TDRD1: variants seen among roughly 807,000 people sequenced by gnomAD.
The protein encoded by TDRD1 is tudor domain-containing protein 1.
A neutral mutation model predicts 140.6 loss-of-function variants in TDRD1; 37 were observed. That is an observed-to-expected ratio of 0.26 (90% CI 0.20 to 0.35). The LOEUF is 0.35. TDRD1 is among the 10% of genes least tolerant of loss of function. The pLI, the probability that TDRD1 is intolerant of heterozygous loss-of-function variation, is 1.00. For synonymous variants in TDRD1, 506 were observed against 475.7 expected (o/e 1.06, Z -0.83); for missense variants, 1,243 against 1,393.0 (o/e 0.89, Z 1.71).
intron 3 of TDRD1, among the ~76,000 whole-genome samples, chr10:114,192,344 C>A (rs1314645878): frequency 8.1e-6 from 1 of 123,898 alleles, no homozygotes; most frequent in African/African-American, 3.1e-5. Flanking sequence ...TGCTCTTTCA[C>A]CCAGGCTGGA....
At chr10:114,192,026 T>C (rs55683285) in intron 3 of TDRD1, among the ~76,000 whole-genome samples, 9,735 of 151,984 alleles carry the variant, frequency 0.064, 345 homozygotes, top group Non-Finnish European at 0.08. Context: ...TTTGGTGAAA[T>C]ATTTTCATGT....
chr10:114,199,437 G>A lies in TDRD1; in HGVS notation c.529+120G>A, dbSNP rs116095437. 2.1e-3 allele frequency: 2,676 copies of A among 1,258,920 alleles called. 39 individuals are homozygous for A. The African/African-American group carries it at 0.037, about 18-fold the overall frequency. 78.0% of individuals were successfully genotyped at this position (1,258,920 alleles called of 1,614,324 possible). A position where few individuals can be genotyped will look rare whatever the true frequency, so the allele number is the denominator to read the frequency against. Reference sequence around the variant, plus strand: ...AACAGTGTCCCCATGCCACACACCCGTCTCAGCCTCAGCAGCTGTCAGCAT... The same window carrying A: ...AACAGTGTCCCCATGCCACACACCCATCTCAGCCTCAGCAGCTGTCAGCAT... On this transcript the variant is annotated intron_variant, in intron 4 of 25. Transcript: ENST00000251864.
At chr10:114,174,879 C>T (rs953319346), upstream of TDRD1, among the ~76,000 whole-genome samples, 31 of 152,204 alleles carry the variant, frequency 2.0e-4, no homozygotes, top group African/African-American at 7.5e-4. Flanking sequence ...TTGCCTCGCC[C>T]GGCCCAGAGA....
In TDRD1 at chr10:114,206,209, C is replaced by T. The variant is rs368682622; in HGVS notation, c.1298-35C>T. 3.6e-4 allele frequency: 519 copies of T among 1,459,920 alleles called. 8 individuals carry two copies. The South Asian group carries it at 5.5e-3, about 15-fold the overall frequency. The allele number at this position is 1,459,920 out of a possible 1,614,324, so 90.4% of individuals were successfully genotyped here. A position where few individuals can be genotyped will look rare whatever the true frequency, so the allele number is the denominator to read the frequency against. ...TTTCCCATAATTCTTTGTATAGTTTCTCAATGGAGGCATATTTTCTTAATC... is the reference window on the plus strand; with the variant it reads ...TTTCCCATAATTCTTTGTATAGTTTTTCAATGGAGGCATATTTTCTTAATC... On this transcript the variant is annotated intron_variant, in intron 10 of 25. Transcript: ENST00000251864.
rs1444752097 is a variant in TDRD1, at chr10:114,226,324, T to G, written c.3175+108T>G. On this transcript the variant is annotated intron_variant, in intron 22 of 25. Transcript: ENST00000251864. Reference sequence around the variant, plus strand: ...CAAATGGGTATTTCCAGTAACTGCCTTAATGTTTTTAAATATTAAGAGTTT... The same window carrying G: ...CAAATGGGTATTTCCAGTAACTGCCGTAATGTTTTTAAATATTAAGAGTTT... 3 of 678,538 alleles carry G rather than the reference T, an allele frequency of 4.4e-6. No individual in the cohort carries two copies. The African/African-American group carries it at 5.5e-5, about 12-fold the overall frequency. The allele number at this position is 678,538 out of a possible 1,614,324, so 42.0% of individuals were successfully genotyped here.
chr10:114,176,141 T>G (rs1230274839), upstream of TDRD1, among the ~76,000 whole-genome samples: 1 of 152,160 alleles, frequency 6.6e-6, no homozygotes, highest in Admixed American at 6.5e-5. The surrounding 1 kb of genome is among the most constrained non-coding windows in gnomAD (Gnocchi z 4.2). Context: ...TGGATGGGGC[T>G]GGCACCACTT....
chr10:114,194,151 T>C (rs2034178321), intron 3 of TDRD1, among the ~76,000 whole-genome samples: 1 of 152,242 alleles, frequency 6.6e-6, no homozygotes, highest in East Asian at 1.9e-4. Context: ...TTTTGGTCTG[T>C]AATTTTCTTT....
chr10:114,180,517 G>C lies in TDRD1; in HGVS notation c.-7+1101G>C, dbSNP rs575278282. 2.6e-5 allele frequency among the ~76,000 whole-genome samples: 4 copies of C among 152,300 alleles called. No homozygotes were observed. In the East Asian group the frequency reaches 7.7e-4, roughly 29 times the overall value. On this transcript the variant is annotated intron_variant, in intron 1 of 25. Coordinates refer to ENST00000251864, the Ensembl canonical transcript of TDRD1. ...TTTCACTCTTGTTGCCCAGGCTGGAGTGCAATGGCGCGATCCCAGCTCACT... is the reference window on the plus strand; with the variant it reads ...TTTCACTCTTGTTGCCCAGGCTGGACTGCAATGGCGCGATCCCAGCTCACT...
At chr10:114,179,789 T>G (rs545856224) in intron 1 of TDRD1, 1 of 152,374 alleles carries the variant, frequency 6.6e-6, no homozygotes, top group East Asian at 1.9e-4. Context: ...GAAGATGTGC[T>G]AGGGCATTTA....
At position 114,203,208 on chromosome 10, in the gene TDRD1, A is replaced by T. The variant is rs145232496; in HGVS notation, c.801+32A>T. The T allele has an allele frequency of 1.1e-5, 17 of 1,547,702 alleles. No individual in the cohort carries two copies. In the East Asian group the frequency reaches 3.1e-4, roughly 29 times the overall value. ...GTTTTTCTTCAATCTCCATAGACAC[A>T]GATCCAGAGAACTGTATTTATTCTC... On this transcript the variant is annotated intron_variant, in intron 7 of 25. Coordinates refer to ENST00000251864, the Ensembl canonical transcript of TDRD1.
exon 20 of TDRD1, chr10:114,221,406 A>G: frequency 6.2e-7 from 1 of 1,613,042 alleles, no homozygotes; most frequent in Non-Finnish European, 8.5e-7. Flanking sequence ...CAGTGGATAA[A>G]ACTATACAAG....
At chr10:114,187,909 T>A (rs2033657919) in exon 2 of TDRD1, 4 of 1,613,096 alleles carry the variant, frequency 2.5e-6, no homozygotes, top group Non-Finnish European at 3.4e-6. Flanking sequence ...CAGAGCCATT[T>A]AATTTTGAGA....
intron 21 of TDRD1, among the ~76,000 whole-genome samples, 167 bp from the exon 22 acceptor site, chr10:114,225,882 C>G (rs2036409527): frequency 6.6e-6 from 1 of 151,812 alleles, no homozygotes; most frequent in African/African-American, 2.4e-5. Context: ...AATTCTATTA[C>G]ATTTTTCATA....
intron 1 of TDRD1, among the ~76,000 whole-genome samples, chr10:114,182,732 C>CTGGA (rs1009552637): frequency 6.6e-6 from 1 of 150,512 alleles, no homozygotes; most frequent in African/African-American, 2.5e-5. Context: ...GTAGCCCAGG[C>CTGGA]TGGAATGCAG....
chr10:114,203,293 A>G (rs1018956981), intron 7 of TDRD1, 95 bp from the exon 8 acceptor site: 39 of 1,500,822 alleles, frequency 2.6e-5, no homozygotes, highest in East Asian at 1.1e-4. Context: ...AAAACTGCCT[A>G]CAATGCTGTT....
chr10:114,218,739 C>T (rs768876404), intron 18 of TDRD1, among the ~76,000 whole-genome samples, 155 bp downstream of exon 18: 18 of 152,264 alleles, frequency 1.2e-4, no homozygotes, highest in Middle Eastern at 3.4e-3. Flanking sequence ...TGACCAAAAA[C>T]GTCCAGTGTT....
intron 11 of TDRD1, among the ~76,000 whole-genome samples, chr10:114,209,513 G>A (rs1438655811): frequency 6.6e-6 from 1 of 152,080 alleles, no homozygotes; most frequent in African/African-American, 2.4e-5. Context: ...GATTTCTTTT[G>A]GAAACATTTT....
chr10:114,192,425 C>T (rs2034048332), intron 3 of TDRD1, among the ~76,000 whole-genome samples: 1 of 150,910 alleles, frequency 6.6e-6, no homozygotes, highest in African/African-American at 2.4e-5. Flanking sequence ...CTGCCTCAGC[C>T]TCCCGAGTAG....
intron 11 of TDRD1, among the ~76,000 whole-genome samples, chr10:114,207,631 G>A (rs1427415290): frequency 6.6e-6 from 1 of 152,048 alleles, no homozygotes; most frequent in Non-Finnish European, 1.5e-5. Context: ...GAAACCGTAG[G>A]TTCTGGTGCA....
Sources: allele counts gnomAD v4.1 joint callset (sites outside exome capture counted in the v4.1 genomes callset), GRCh38; gene constraint gnomAD v4.1.1; non-coding constraint Gnocchi (gnomAD v3.1); transcripts MANE v1.5; gene names NCBI Gene and HGNC (gene_info 2026-07-23, HGNC 2026-07-21).